PLXNA4: variants seen among roughly 807,000 people sequenced by gnomAD.
The protein encoded by PLXNA4 is plexin-A4.
PLXNA4 carries 44 observed loss-of-function variants against 191.8 expected under a neutral mutation model. The ratio of observed to expected loss-of-function variants is 0.23; its 90% CI spans 0.18 to 0.29. PLXNA4 has a LOEUF of 0.29. Ranked by LOEUF, PLXNA4 falls within the 10% of genes least tolerant of loss-of-function variation. The probability of loss-of-function intolerance (pLI) is 1.00; values close to 1 mark genes in which losing one functional copy is unlikely to be tolerated. For missense variants in PLXNA4, 1,800 were observed against 2,488.8 expected, an observed-to-expected ratio of 0.72 and a Z score of 5.89; for synonymous variants, 1,082 against 1,009.5, an observed-to-expected ratio of 1.07 and a Z score of -1.36.
intron 2 of PLXNA4, among the ~76,000 whole-genome samples, chr7:132,597,878 C>T (rs375910188): frequency 1.0e-5 from 1 of 97,546 alleles, no homozygotes; most frequent in African/African-American, 3.0e-5. Context: ...TATATACATC[C>T]AATCTGTAAT....
At chr7:132,215,795 G>A (rs935327819) in intron 9 of PLXNA4, among the ~76,000 whole-genome samples, 1 of 152,212 alleles carries the variant, frequency 6.6e-6, no homozygotes, top group African/African-American at 2.4e-5. Flanking sequence ...ATGCTGACAG[G>A]GTGGTGTCCA....
chr7:132,622,519 G>A (rs980234949), intron 2 of PLXNA4, among the ~76,000 whole-genome samples: 1 of 151,412 alleles, frequency 6.6e-6, no homozygotes, highest in African/African-American at 2.4e-5. Flanking sequence ...CTTACAAACT[G>A]TCTAAAGAAT....
Position 132,449,939 on chromosome 7 carries a change from G to T in PLXNA4, c.1371+39353C>A, listed in dbSNP as rs148585910. Among the ~76,000 whole-genome samples, 17 of 152,336 alleles carry T rather than the reference G, an allele frequency of 1.1e-4. No homozygotes were observed. In the East Asian group the frequency reaches 3.3e-3, roughly 29 times the overall value. ...ACAGACAAACTTACAGAGCTCAGCG[G>T]CTGTGACAGTCCCCCTGGGGGCCCT... On this transcript the variant is annotated intron_variant, in intron 3 of 31. Transcript: ENST00000321063.
At chr7:132,560,031 C>CGGGAA (rs1204067127) in intron 1 of PLXNA4, among the ~76,000 whole-genome samples, 10 of 152,332 alleles carry the variant, frequency 6.6e-5, no homozygotes, top group African/African-American at 2.4e-4. Context: ...CCAACCCTAT[C>CGGGAA]TAGTCGCCAG....
chr7:132,526,532 C>A lies in PLXNA4; in HGVS notation c.-86-17753G>T, dbSNP rs560621819. Among the ~76,000 whole-genome samples the A allele has an allele frequency of 3.9e-5, 6 of 152,330 alleles. No homozygotes were observed. In the South Asian group the frequency reaches 1.2e-3, roughly 32 times the overall value. On this transcript the variant is annotated intron_variant, in intron 1 of 31. Coordinates refer to ENST00000321063, the MANE Select transcript of PLXNA4 (RefSeq NM_020911.2). ...TCCCAGACTCAAAGGCCCCGCCAAC[C>A]CACACACCCAAATTGCTGATTTGAC... is the stretch of plus-strand genomic sequence containing the variant.
chr7:132,591,764 C>T (rs1318867990), intron 2 of PLXNA4, among the ~76,000 whole-genome samples: 1 of 152,150 alleles, frequency 6.6e-6, no homozygotes, highest in Non-Finnish European at 1.5e-5. Flanking sequence ...TTAGTGTTGC[C>T]ATTTTTAATG....
chr7:132,216,059 A>C (rs1306559069), intron 9 of PLXNA4, among the ~76,000 whole-genome samples: 2 of 152,188 alleles, frequency 1.3e-5, no homozygotes, highest in African/African-American at 4.8e-5. Flanking sequence ...TCTGAAGTGG[A>C]GACAGTCTTT....
chr7:132,383,706 T>C (rs1804994431), intron 3 of PLXNA4: 1 of 983,422 alleles, frequency 1.0e-6, no homozygotes, highest in Non-Finnish European at 1.2e-6. Flanking sequence ...ATAGACTAAA[T>C]AAATGCTGAA....
chr7:132,427,910 C>T (rs977619856), intron 3 of PLXNA4, among the ~76,000 whole-genome samples: 2 of 152,178 alleles, frequency 1.3e-5, no homozygotes, highest in Non-Finnish European at 2.9e-5. Flanking sequence ...AGAGATGGTG[C>T]GGACATGCAG....
intron 4 of PLXNA4, among the ~76,000 whole-genome samples, chr7:132,289,433 T>G (rs979445958): frequency 1.3e-5 from 2 of 152,280 alleles, no homozygotes; most frequent in Non-Finnish European, 2.9e-5. Flanking sequence ...CATAGGGATA[T>G]GTCACTGTTT....
At chr7:132,164,990 C>T (rs1344167096) in intron 23 of PLXNA4, 144 bp downstream of exon 23, 2 of 1,273,694 alleles carry the variant, frequency 1.6e-6, no homozygotes, top group African/African-American at 3.0e-5. Flanking sequence ...CCTAGACAGT[C>T]CATGATAAGG....
chr7:132,644,415 G>T (rs1308936952), intron 2 of PLXNA4, among the ~76,000 whole-genome samples: 1 of 152,176 alleles, frequency 6.6e-6, no homozygotes, highest in African/African-American at 2.4e-5. Flanking sequence ...CAATAGACTT[G>T]GTCGTGGCCT....
At chr7:132,616,236 T>C (rs1028015616) in intron 2 of PLXNA4, among the ~76,000 whole-genome samples, 5 of 152,200 alleles carry the variant, frequency 3.3e-5, no homozygotes, top group Non-Finnish European at 7.3e-5. Flanking sequence ...GCAGTGCTTC[T>C]GCATTTGCTG....
At chr7:132,579,194 G>A (rs1327032088), upstream of PLXNA4, among the ~76,000 whole-genome samples, 4 of 152,070 alleles carry the variant, frequency 2.6e-5, no homozygotes, top group South Asian at 4.2e-4. Context: ...GTGACAGCCC[G>A]GATAGCCCCA....
intron 3 of PLXNA4, among the ~76,000 whole-genome samples, chr7:132,318,956 C>A (rs1460109271): frequency 6.6e-6 from 1 of 152,144 alleles, no homozygotes; most frequent in Non-Finnish European, 1.5e-5. Context: ...CGGGTGACTC[C>A]AGTCCTGTGA....
intron 3 of PLXNA4, among the ~76,000 whole-genome samples, chr7:132,487,782 C>T (rs1051836738): frequency 6.6e-6 from 1 of 152,152 alleles, no homozygotes; most frequent in Non-Finnish European, 1.5e-5. Context: ...ATAACATGCC[C>T]ATGTCTCACA....
At chr7:132,245,862 T>A (rs1799031193) in intron 4 of PLXNA4, among the ~76,000 whole-genome samples, 1 of 152,194 alleles carries the variant, frequency 6.6e-6, no homozygotes, top group African/African-American at 2.4e-5. Flanking sequence ...TGATTCTGCT[T>A]ATGTGAGGTG....
intron 10 of PLXNA4, among the ~76,000 whole-genome samples, chr7:132,208,491 A>G (rs1797697326): frequency 6.6e-6 from 1 of 152,174 alleles, no homozygotes; most frequent in East Asian, 1.9e-4. Context: ...CCAGAGGGCC[A>G]GAGCGCAGCA....
intron 4 of PLXNA4, among the ~76,000 whole-genome samples, chr7:132,263,578 C>T (rs867536627): frequency 1.9e-4 from 29 of 152,192 alleles, no homozygotes; most frequent in African/African-American, 6.0e-4. Context: ...GAAGACAGAG[C>T]GGAGCTGACA....
Sources: gnomAD v4.1 joint callset for allele counts (sites outside exome capture counted in the v4.1 genomes callset) on GRCh38, gnomAD v4.1.1 for gene constraint, MANE v1.5 for transcripts, NCBI Gene and HGNC (gene_info 2026-07-23, HGNC 2026-07-21) for gene names.